Variants in ESR1 observed in about 807,000 individuals in gnomAD.
The protein encoded by ESR1 is estrogen receptor.
In ESR1, 12 loss-of-function variants were observed where a neutral mutation model predicts 52.7. That is an observed-to-expected ratio of 0.23 (90% confidence interval 0.15 to 0.37). ESR1 has a LOEUF of 0.37. ESR1 is among the 10% of genes least tolerant of loss of function. The pLI is 1.00. For missense variants in ESR1, 584 were observed against 779.7 expected (o/e 0.75, Z 2.99); for synonymous variants, 305 against 316.8 (o/e 0.96, Z 0.39).
rs921545559 is a variant in ESR1 at position 151,724,105 on chromosome 6, C to T, written c.-71+22100C>T. On this transcript the variant is annotated intron_variant, in intron 2 of 2. Transcript: ENST00000404742. ...CATGAGCAGTGAGCCCATCTAACTA[C>T]GGGACCCCAGATAGGCTTGGGATCT... Among the ~76,000 whole-genome samples, 5 of 152,002 alleles carry T rather than the reference C, an allele frequency of 3.3e-5. No individual in the cohort carries two copies. In the East Asian group the frequency reaches 5.8e-4, roughly 18 times the overall value.
At chr6:151,987,145 C>T (rs567713090) in intron 4 of ESR1, among the ~76,000 whole-genome samples, 1 of 152,080 alleles carries the variant, frequency 6.6e-6, no homozygotes, top group South Asian at 2.1e-4. Flanking sequence ...TGAACAGTGA[C>T]TCTCAGGCTT....
intron 1 of ESR1, among the ~76,000 whole-genome samples, chr6:151,832,659 T>C (rs1782632978): frequency 6.6e-6 from 1 of 152,210 alleles, no homozygotes; most frequent in Non-Finnish European, 1.5e-5. Flanking sequence ...GCAAAATTGT[T>C]CTTAATTCTC....
At chr6:151,924,858 C>T (rs2032395525) in intron 3 of ESR1, among the ~76,000 whole-genome samples, 1 of 151,890 alleles carries the variant, frequency 6.6e-6, no homozygotes, top group Non-Finnish European at 1.5e-5. Flanking sequence ...CCCTGCATAC[C>T]ATTGATGGGC....
chr6:151,959,596 G>T (rs1306180062), intron 4 of ESR1, among the ~76,000 whole-genome samples: 1 of 152,120 alleles, frequency 6.6e-6, no homozygotes, highest in Non-Finnish European at 1.5e-5. Context: ...AACCTTAGAG[G>T]TTCCACAGCC....
chr6:152,079,514 A>C lies in ESR1; in HGVS notation c.1370-14871A>C, dbSNP rs188918529. 9.8e-3 allele frequency among the ~76,000 whole-genome samples: 1,493 copies of C among 152,362 alleles called. 26 individuals are homozygous for C. The highest frequency in any genetic ancestry group is 0.034 in the African/African-American group (1,434 of 41,586). On this transcript the variant is annotated intron_variant, in intron 6 of 7. Transcript: ENST00000206249. Reference sequence around the variant, plus strand: ...TCAACATCAAAGACCAAAGGTAGATAAAACCACAAAGATGGGGAGAAACCA... The same window carrying C: ...TCAACATCAAAGACCAAAGGTAGATCAAACCACAAAGATGGGGAGAAACCA...
At chr6:151,843,955 A>G (rs1030823722) in intron 2 of ESR1, among the ~76,000 whole-genome samples, 1 of 150,552 alleles carries the variant, frequency 6.6e-6, no homozygotes. Context: ...ATCGAGTAGC[A>G]TGTGAGGTCA....
intron 2 of ESR1, among the ~76,000 whole-genome samples, chr6:151,866,438 A>G (rs760341013): frequency 2.0e-5 from 3 of 152,036 alleles, no homozygotes; most frequent in Non-Finnish European, 2.9e-5. Flanking sequence ...TCAACCTGTC[A>G]TCTAAATTAG....
At chr6:151,678,435 T>C (rs1778330577) in intron 1 of ESR1, among the ~76,000 whole-genome samples, 1 of 151,038 alleles carries the variant, frequency 6.6e-6, no homozygotes, top group African/African-American at 2.4e-5. Context: ...ATTGTGCCAC[T>C]GCACTCCAGC....
chr6:152,100,789 TTTTTATGTGCACTTAAATTTGGGGACAA>T lies in ESR1; in HGVS notation c.*1832_*1859del. The T allele has an allele frequency of 4.5e-6, 1 of 223,004 alleles. No individual in the cohort carries two copies. Among genetic ancestry groups the T allele is most frequent in the Non-Finnish European group, 8.8e-6 (1 of 113,060 alleles). The allele number at this position is 223,004 out of a possible 1,614,324, so 13.8% of individuals were successfully genotyped here. ...TGGGAGGGCAAAAAAAAAAAAAAAG[TTTTTATGTGCACTTAAATTTGGGGACAA>T]TTTTATGTATCTGTGTTAAGGATAT... is the stretch of plus-strand genomic sequence containing the variant. On this transcript the variant is annotated 3_prime_UTR_variant, in exon 8 of 8. Coordinates refer to ENST00000206249, the MANE Select transcript of ESR1 (RefSeq NM_000125.4).
At chr6:152,018,818 T>C (rs2128808311) in intron 5 of ESR1, among the ~76,000 whole-genome samples, 1 of 143,966 alleles carries the variant, frequency 6.9e-6, no homozygotes, top group East Asian at 2.0e-4. Flanking sequence ...CACTCTATCA[T>C]ATGGAATTGA....
chr6:151,897,680 T>A (rs772410990), intron 3 of ESR1, among the ~76,000 whole-genome samples: 1 of 152,210 alleles, frequency 6.6e-6, no homozygotes, highest in Non-Finnish European at 1.5e-5. Flanking sequence ...CTATTTAAAT[T>A]CAATGTTAGT....
intron 2 of ESR1, among the ~76,000 whole-genome samples, chr6:151,764,248 G>A (rs1460338698): frequency 1.3e-5 from 2 of 152,168 alleles, no homozygotes; most frequent in Non-Finnish European, 2.9e-5. Context: ...TGCTAACTGA[G>A]TCATGGGCCT....
intron 2 of ESR1, among the ~76,000 whole-genome samples, chr6:151,743,781 C>T (rs1783276793): frequency 6.6e-6 from 1 of 152,048 alleles, no homozygotes. Context: ...ATTAATATAC[C>T]ACAAAATCAC....
intron 2 of ESR1, among the ~76,000 whole-genome samples, chr6:151,862,211 A>T (rs779366525): frequency 6.6e-6 from 1 of 152,214 alleles, no homozygotes; most frequent in Non-Finnish European, 1.5e-5. Flanking sequence ...GGTATGTAAG[A>T]AACAAAACCA....
At chr6:151,809,178 G>T (rs1475011102) in intron 1 of ESR1, 1 of 456,158 alleles carries the variant, frequency 2.2e-6, no homozygotes, top group African/African-American at 2.0e-5. Flanking sequence ...GGAGTGGCGT[G>T]CGGGTCAGCC....
intron 2 of ESR1, among the ~76,000 whole-genome samples, chr6:151,785,070 G>T (rs559281238): frequency 6.6e-6 from 1 of 152,316 alleles, no homozygotes; most frequent in East Asian, 1.9e-4. Flanking sequence ...ACTGATGGTT[G>T]GTGTCAACCA....
intron 3 of ESR1, among the ~76,000 whole-genome samples, chr6:151,926,073 C>T (rs534823910): frequency 3.9e-5 from 6 of 152,178 alleles, no homozygotes; most frequent in South Asian, 2.1e-4. Flanking sequence ...GGGTAATCAG[C>T]GCAATATTTT....
chr6:152,003,584 G>C (rs914027557), intron 4 of ESR1, among the ~76,000 whole-genome samples: 13 of 151,882 alleles, frequency 8.6e-5, no homozygotes, highest in Non-Finnish European at 1.6e-4. Flanking sequence ...CATGAAGTTT[G>C]TAAGTAGTGT....
At chr6:152,079,732 T>C (rs972296519) in intron 6 of ESR1, among the ~76,000 whole-genome samples, 3 of 152,122 alleles carry the variant, frequency 2.0e-5, no homozygotes, top group African/African-American at 7.2e-5. Flanking sequence ...GCAAGGAGGC[T>C]AAAAACCTTG....
Sources: allele counts gnomAD v4.1 joint callset (sites outside exome capture counted in the v4.1 genomes callset), GRCh38; gene constraint gnomAD v4.1.1; transcripts MANE v1.5; gene names NCBI Gene and HGNC (gene_info 2026-07-23, HGNC 2026-07-21).